The following VPS35 variants were observed in gnomAD, a reference collection of about 807,000 sequenced individuals.
VPS35 encodes VPS35 retromer complex component.
A neutral mutation model predicts 98.1 loss-of-function variants in VPS35; 21 were observed. That is an observed-to-expected ratio of 0.21 (90% confidence interval 0.15 to 0.31). VPS35 has a LOEUF of 0.31. VPS35 is among the 10% of genes least tolerant of loss of function. VPS35 has a pLI of 1.00. For synonymous variants in VPS35, 268 were observed against 318.2 expected, an observed-to-expected ratio of 0.84 and a Z score of 1.68; for missense variants, 554 against 950.8, an observed-to-expected ratio of 0.58 and a Z score of 5.49.
At chr16:46,676,817 AC>A (rs1223462973) in intron 7 of VPS35, 125 bp from the exon 8 acceptor site, 12 of 732,878 alleles carry the variant, frequency 1.6e-5, no homozygotes, top group Non-Finnish European at 3.0e-5. Flanking sequence ...CAAACACATT[AC>A]TTTTGAACCT....
At position 46,671,819 on chromosome 16, in the gene VPS35, A is replaced by T; in HGVS notation, c.1410T>A (p.Asp470Glu). Residue 470 changes from aspartate (D) to glutamate (E), a missense_variant, in exon 12 of 17, where the codon GAT becomes GAA. Coordinates refer to ENST00000299138, the MANE Select transcript of VPS35 (RefSeq NM_018206.6). The part of the protein sequence containing the change: ...IMNLVSTLIQ[D>E]QPDQPVEDPD... The stretch of plus-strand genomic sequence containing the variant: ...GGTCTTCTACAGGTTGATCTGGCTG[A>T]TCTTGAATCAACGTGGATACCAAAT... The T allele has an allele frequency of 6.2e-7, 1 of 1,613,582 alleles. No individual in the cohort carries two copies. Among genetic ancestry groups the T allele is most frequent in the South Asian group, 1.1e-5 (1 of 91,046 alleles).
intron 1 of VPS35, 157 bp downstream of exon 1, chr16:46,688,971 TTCC>T (rs747822188): frequency 6.6e-7 from 1 of 1,514,582 alleles, no homozygotes; most frequent in Non-Finnish European, 8.9e-7. Flanking sequence ...GCCCGCGGCC[TTCC>T]TCCTGCTGTC....
At chr16:46,681,228 A>T (rs1255549109) in intron 4 of VPS35, 149 bp downstream of exon 4, 2 of 1,157,608 alleles carry the variant, frequency 1.7e-6, no homozygotes, top group African/African-American at 3.1e-5. Flanking sequence ...TAGTTACTCT[A>T]AAACAAGTAA....
At chr16:46,687,348 C>A (rs1382990212) in intron 1 of VPS35, among the ~76,000 whole-genome samples, 2 of 152,200 alleles carry the variant, frequency 1.3e-5, no homozygotes, top group African/African-American at 4.8e-5. Flanking sequence ...ATAATTTGAA[C>A]ACCAAACGGC....
rs1009094491 is a variant in VPS35, at chr16:46,658,276, C to T, written c.*2196G>A. Reference sequence around the variant, plus strand: ...AATCCCTCAAAGCTCTTCTTCACTGCTCTCCTGCACAAACCCTTACCATCT... The same window carrying T: ...AATCCCTCAAAGCTCTTCTTCACTGTTCTCCTGCACAAACCCTTACCATCT... On this transcript the variant is annotated 3_prime_UTR_variant, in exon 17 of 17. Transcript: ENST00000299138. 6.5e-6 allele frequency: 1 copy of T among 153,744 alleles called. No homozygotes were observed. Among genetic ancestry groups the T allele is most frequent in the Admixed American group, 6.5e-5 (1 of 15,270 alleles). 9.5% of individuals were successfully genotyped at this position (153,744 alleles called of 1,614,324 possible).
chr16:46,666,506 G>A (rs1296248782), intron 13 of VPS35, among the ~76,000 whole-genome samples: 1 of 152,108 alleles, frequency 6.6e-6, no homozygotes, highest in Non-Finnish European at 1.5e-5. Flanking sequence ...GACCTCAGGT[G>A]AACCGCCTGC....
At chr16:46,669,290 C>A in intron 12 of VPS35, 1 of 540,758 alleles carries the variant, frequency 1.8e-6, no homozygotes. Context: ...GTATAACCTG[C>A]CCAAGGTAGC....
intron 12 of VPS35, among the ~76,000 whole-genome samples, chr16:46,670,429 G>A (rs1010431975): frequency 1.3e-4 from 19 of 151,906 alleles, no homozygotes; most frequent in African/African-American, 3.6e-4. Context: ...GATTACAGGC[G>A]CCCACCACCA....
chr16:46,667,376 T>A (rs961765512), intron 13 of VPS35, among the ~76,000 whole-genome samples: 1 of 152,200 alleles, frequency 6.6e-6, no homozygotes, highest in African/African-American at 2.4e-5. Flanking sequence ...TTCAGATGTA[T>A]AGTTTGCAAA....
At chr16:46,676,869 C>T (rs1966159829) in intron 7 of VPS35, among the ~76,000 whole-genome samples, 177 bp from the exon 8 acceptor site, 1 of 152,084 alleles carries the variant, frequency 6.6e-6, no homozygotes, top group South Asian at 2.1e-4. Context: ...TTCCAATAAA[C>T]AAAGTGCACC....
At position 46,689,134 on chromosome 16, in the gene VPS35, G is replaced by A; in HGVS notation, c.-1C>T. ...CCACTGCCCCCTCAGCACTCACCAT[G>A]GCGACTCCCCAGAGCCTGCAGCAAG... On this transcript the variant is annotated 5_prime_UTR_variant, in exon 1 of 17. Coordinates refer to ENST00000299138, the MANE Select transcript of VPS35 (RefSeq NM_018206.6). 1 of 1,609,456 alleles carries A rather than the reference G, an allele frequency of 6.2e-7. No homozygotes were observed.
intron 10 of VPS35, chr16:46,673,717 T>G (rs1966100631): frequency 6.5e-6 from 1 of 153,948 alleles, no homozygotes; most frequent in Non-Finnish European, 1.4e-5. Context: ...TTCTGCACCT[T>G]AAATATACAT....
In VPS35 at chr16:46,656,528, G is replaced by A. The variant is rs1382646330; in HGVS notation, c.*3944C>T. The A allele has an allele frequency of 6.6e-6, 1 of 152,192 alleles. No homozygotes were observed. Among genetic ancestry groups the A allele is most frequent in the Admixed American group, 6.5e-5 (1 of 15,276 alleles). The allele number at this position is 152,192 out of a possible 1,614,324, so 9.4% of individuals were successfully genotyped here. A position where few individuals can be genotyped will look rare whatever the true frequency, so the allele number is the denominator to read the frequency against. ...TGGGCATAGGTAGAACTAACCTTGG[G>A]AAGTAATTTATAGTTTGACTCTCAA... On this transcript the variant is annotated 3_prime_UTR_variant, in exon 17 of 17. Transcript: ENST00000299138.
intron 1 of VPS35, chr16:46,688,196 A>C: frequency 2.0e-6 from 1 of 506,440 alleles, no homozygotes; most frequent in Non-Finnish European, 2.6e-6. Flanking sequence ...GATTTACAGA[A>C]GCCTATCTAC....
At chr16:46,683,764 G>A (rs187059495) in intron 1 of VPS35, among the ~76,000 whole-genome samples, 158 bp from the exon 2 acceptor site, 107 of 152,026 alleles carry the variant, frequency 7.0e-4, no homozygotes, top group African/African-American at 2.2e-3. Flanking sequence ...TAGCTCTGTC[G>A]CCCAGGCTGG....
At chr16:46,672,570 A>G (rs1966085577) in intron 10 of VPS35, 98 bp from the exon 11 acceptor site, 2 of 1,001,392 alleles carry the variant, frequency 2.0e-6, no homozygotes, top group Non-Finnish European at 1.5e-6. Flanking sequence ...TTCATTACAC[A>G]TTAAAGGAAA....
chr16:46,676,357 TATTC>T (rs376332931), intron 8 of VPS35: 13 of 493,412 alleles, frequency 2.6e-5, no homozygotes, highest in Admixed American at 1.7e-4. Flanking sequence ...AGAATAAAGA[TATTC>T]ATTATCTTCA....
At position 46,660,480 on chromosome 16, in the gene VPS35, TGA is replaced by T; in HGVS notation, c.2381_2382del (p.Leu794HisfsTer7). ...GGTGAGCTATTTCCTTTTTAAAGGATGAGACCTTCATAAATTGGCCCCTCGGA... is the reference window on the plus strand; with the variant it reads ...GGTGAGCTATTTCCTTTTTAAAGGATGACCTTCATAAATTGGCCCCTCGGA... Reference protein sequence around the residue: ...PESEGPIYEGLIL With the variant: ...PESEGPIYEGXIL On this transcript the variant is annotated frameshift_variant, in exon 17 of 17. Coordinates refer to ENST00000299138, the MANE Select transcript of VPS35 (RefSeq NM_018206.6). LOFTEE classifies it high-confidence loss of function. The T allele has an allele frequency of 6.2e-7, 1 of 1,613,892 alleles. No individual in the cohort carries two copies. The highest frequency in any genetic ancestry group is 8.5e-7 in the Non-Finnish European group (1 of 1,179,970).
chr16:46,674,747 T>C (rs1966119600), intron 8 of VPS35, 87 bp from the exon 9 acceptor site: 1 of 1,191,402 alleles, frequency 8.4e-7, no homozygotes, highest in Admixed American at 2.4e-5. Flanking sequence ...CTTTATTGCT[T>C]TTCTATATTT....
Sources: allele counts gnomAD v4.1 joint callset (sites outside exome capture counted in the v4.1 genomes callset), GRCh38; gene constraint gnomAD v4.1.1; transcripts MANE v1.5; gene names NCBI Gene and HGNC (gene_info 2026-07-23, HGNC 2026-07-21).